Variants in RIMS2 observed in about 807,000 individuals in gnomAD.
RIMS2 encodes regulating synaptic membrane exocytosis 2.
RIMS2 carries 59 observed loss-of-function variants against 174.4 expected under a neutral mutation model. The ratio of observed to expected loss-of-function variants is 0.34; its 90% CI spans 0.27 to 0.42. The LOEUF (loss-of-function observed/expected upper bound fraction) is 0.42, where lower values mean the gene tolerates loss of function less well. Ranked by LOEUF, RIMS2 falls within the 10% of genes least tolerant of loss-of-function variation. The probability of loss-of-function intolerance (pLI) is 1.00; values close to 1 mark genes in which losing one functional copy is unlikely to be tolerated. For missense variants in RIMS2, 1,620 were observed against 1,666.3 expected (o/e 0.97, Z 0.48); for synonymous variants, 606 against 572.5 (o/e 1.06, Z -0.84).
rs1435626807 is a variant in RIMS2 at position 104,208,053 on chromosome 8, G to A, written c.3335-36863G>A. On this transcript the variant is annotated intron_variant, in intron 19 of 23. Coordinates refer to ENST00000504942, the Ensembl canonical transcript of RIMS2. ...CAAAATACTGGGATTACAAGCATGA[G>A]CCACCATGACCAGCTAGCAAGTGTA... 2.6e-5 allele frequency among the ~76,000 whole-genome samples: 4 copies of A among 151,910 alleles called. No individual in the cohort carries two copies. The East Asian group carries it at 7.7e-4, about 29-fold the overall frequency.
intron 1 of RIMS2, chr8:103,652,209 AAAG>A (rs2096463771): frequency 7.4e-7 from 1 of 1,347,830 alleles, no homozygotes; most frequent in African/African-American, 1.5e-5. Context: ...TTTTAGGGTC[AAAG>A]AAGAACACAA....
chr8:103,602,380 G>A (rs1349755920), intron 1 of RIMS2, among the ~76,000 whole-genome samples: 3 of 152,080 alleles, frequency 2.0e-5, no homozygotes, highest in Admixed American at 2.0e-4. Flanking sequence ...GGGGTTTGTT[G>A]TACAGATTAT....
chr8:104,196,898 T>G (rs547970165), intron 19 of RIMS2, among the ~76,000 whole-genome samples: 16 of 152,326 alleles, frequency 1.1e-4, no homozygotes, highest in African/African-American at 3.1e-4. Flanking sequence ...GTTTATAAAC[T>G]TCTATCCCAC....
intron 19 of RIMS2, among the ~76,000 whole-genome samples, chr8:104,118,686 A>G (rs559285086): frequency 1.3e-5 from 2 of 152,046 alleles, no homozygotes; most frequent in Non-Finnish European, 2.9e-5. Context: ...TTAAGTTTTC[A>G]TGGTGTTTTA....
chr8:103,620,389 T>C (rs2095607457), intron 1 of RIMS2, among the ~76,000 whole-genome samples: 1 of 152,156 alleles, frequency 6.6e-6, no homozygotes, highest in South Asian at 2.1e-4. Context: ...TTGTTTTTTT[T>C]CAATATGAAC....
chr8:104,181,010 C>T (rs557291073), intron 19 of RIMS2, among the ~76,000 whole-genome samples: 1 of 151,526 alleles, frequency 6.6e-6, no homozygotes, highest in Non-Finnish European at 1.5e-5. Flanking sequence ...ATAATTCTTT[C>T]GAAGCTATTT....
intron 19 of RIMS2, among the ~76,000 whole-genome samples, chr8:104,155,888 G>A (rs2098721029): frequency 6.6e-6 from 1 of 152,082 alleles, no homozygotes; most frequent in Admixed American, 6.5e-5. Flanking sequence ...CTGACAAGAA[G>A]TTTACCAAAA....
At chr8:103,976,864 A>G (rs2093489706) in intron 16 of RIMS2, 1 of 152,190 alleles carries the variant, frequency 6.6e-6, no homozygotes, top group South Asian at 2.1e-4. Flanking sequence ...AGTGGGAAGA[A>G]TGGCTCAGAA....
intron 3 of RIMS2, 87 bp downstream of exon 6, chr8:103,766,624 A>G (rs2098174525): frequency 1.2e-6 from 1 of 863,094 alleles, no homozygotes; most frequent in African/African-American, 1.7e-5. Flanking sequence ...ATGTTTAGGC[A>G]ATGGTGAGTT....
At chr8:104,035,955 ATTCT>A (rs1271173165) in intron 19 of RIMS2, among the ~76,000 whole-genome samples, 1 of 152,068 alleles carries the variant, frequency 6.6e-6, no homozygotes, top group Non-Finnish European at 1.5e-5. Context: ...TAAATAACAC[ATTCT>A]TTCATTGTAA....
chr8:104,098,651 A>G (rs2097804110), intron 19 of RIMS2, among the ~76,000 whole-genome samples: 1 of 152,126 alleles, frequency 6.6e-6, no homozygotes, highest in Non-Finnish European at 1.5e-5. Context: ...AATTTGGGGC[A>G]TCAGTTCAAA....
chr8:103,689,541 AT>A (rs1330814832), intron 1 of RIMS2, among the ~76,000 whole-genome samples: 1 of 152,056 alleles, frequency 6.6e-6, no homozygotes, highest in Non-Finnish European at 1.5e-5. Flanking sequence ...GTGCTTCAGT[AT>A]TTTGTGGATA....
At chr8:103,911,147 T>A (rs1362153870) in intron 5 of RIMS2, among the ~76,000 whole-genome samples, 1 of 152,302 alleles carries the variant, frequency 6.6e-6, no homozygotes, top group East Asian at 1.9e-4. Context: ...TGTAATTGAC[T>A]GGAACTTATG....
At chr8:103,834,672 G>GTATTTT (rs2098847603) in intron 3 of RIMS2, among the ~76,000 whole-genome samples, 14 of 118,958 alleles carry the variant, frequency 1.2e-4, no homozygotes, top group Middle Eastern at 5.3e-3. Flanking sequence ...AGCCTCTGAG[G>GTATTTT]TCTTTTTCTT....
chr8:104,246,914 G>A (rs1272190082), intron 20 of RIMS2, among the ~76,000 whole-genome samples: 1 of 152,104 alleles, frequency 6.6e-6, no homozygotes, highest in Non-Finnish European at 1.5e-5. Context: ...CTTTTACTGA[G>A]TGGGATGAGA....
chr8:103,653,262 A>G (rs1437708372), intron 1 of RIMS2, among the ~76,000 whole-genome samples: 2 of 152,220 alleles, frequency 1.3e-5, no homozygotes, highest in African/African-American at 2.4e-5. Context: ...GTGGCAATAT[A>G]TTCTCACACT....
chr8:103,856,695 A>G (rs16870776), intron 3 of RIMS2, among the ~76,000 whole-genome samples: 18,894 of 152,262 alleles, frequency 0.12, 1,273 homozygotes, highest in Middle Eastern at 0.22. Context: ...AATATGGCAT[A>G]TATCTAATAC....
At chr8:103,804,898 G>A (rs2098639954) in intron 3 of RIMS2, among the ~76,000 whole-genome samples, 1 of 151,954 alleles carries the variant, frequency 6.6e-6, no homozygotes, top group South Asian at 2.1e-4. Context: ...CTGAGATCAA[G>A]CAATCTTCCT....
intron 1 of RIMS2, among the ~76,000 whole-genome samples, chr8:103,545,104 T>G (rs1297788870): frequency 1.3e-5 from 2 of 152,054 alleles, no homozygotes; most frequent in Non-Finnish European, 2.9e-5. Flanking sequence ...TCATCAACAT[T>G]CAGGAGAAAG....
Sources: allele counts gnomAD v4.1 joint callset (sites outside exome capture counted in the v4.1 genomes callset), GRCh38; gene constraint gnomAD v4.1.1; transcripts MANE v1.5; gene names NCBI Gene and HGNC (gene_info 2026-07-23, HGNC 2026-07-21).